The following GZMM variants were observed in gnomAD, a reference collection of about 807,000 sequenced individuals.
The protein encoded by GZMM is granzyme M, also known as HU-Met-1.
GZMM carries 23 observed loss-of-function variants against 19.2 expected under a neutral mutation model. That is an observed-to-expected ratio of 1.20 (90% confidence interval 0.86 to 1.69). The LOEUF (loss-of-function observed/expected upper bound fraction) is 1.69. Among genes scored for constraint, GZMM ranks in the 40% most tolerant of loss-of-function variants. GZMM has a pLI of 0.00. For synonymous variants in GZMM, 178 were observed against 160.2 expected (o/e 1.11, Z -0.84); for missense variants, 373 against 352.2 (o/e 1.06, Z -0.47).
chr19:544,152 G>T, intron 1 of GZMM, 26 bp downstream of exon 1: 1 of 1,541,534 alleles, frequency 6.5e-7, no homozygotes, highest in Non-Finnish European at 8.8e-7. Context: ...GATGCAGGGG[G>T]GACACTGAGG....
intron 1 of GZMM, among the ~76,000 whole-genome samples, chr19:546,051 A>AT (rs1451811726): frequency 1.5e-5 from 2 of 133,846 alleles, no homozygotes; most frequent in Non-Finnish European, 3.2e-5. Flanking sequence ...AAGTGCTGGG[A>AT]TTATAGGCGT....
intron 2 of GZMM, 21 bp from the exon 3 acceptor site, chr19:548,521 C>G: frequency 2.5e-6 from 4 of 1,612,032 alleles, no homozygotes; most frequent in Non-Finnish European, 3.4e-6. Flanking sequence ...GCCGCAGCAC[C>G]CTGATTCCCT....
At chr19:547,896 A>C (rs1016105913) in intron 2 of GZMM, among the ~76,000 whole-genome samples, 1 of 152,148 alleles carries the variant, frequency 6.6e-6, no homozygotes, top group Non-Finnish European at 1.5e-5. Context: ...TAAATGACCC[A>C]TCATGGAGTT....
intron 1 of GZMM, 107 bp downstream of exon 1, chr19:544,233 GA>G: frequency 1.1e-6 from 1 of 912,796 alleles, no homozygotes; most frequent in East Asian, 2.6e-5. Flanking sequence ...TGTAAGAGCG[GA>G]GATTCATCCT....
In GZMM at chr19:549,753, G is replaced by A. The variant is rs760924563; in HGVS notation, c.736G>A (p.Val246Met). ...PPVATAVAPYVSWIRKVTGRS... is the reference protein window; with the variant it reads ...PPVATAVAPYMSWIRKVTGRS... ...CGTGGCCACCGCTGTGGCGCCTTAC[G>A]TGTCCTGGATCAGGAAGGTCACCGG... The change falls in exon 5 of 5, where the codon GTG becomes ATG. Residue 246 changes from valine (V) to methionine (M), a missense_variant. By Grantham distance (21) the Val-to-Met change is conservative. Coordinates refer to ENST00000264553, the MANE Select transcript of GZMM (RefSeq NM_005317.4). 1.2e-5 allele frequency: 20 copies of A among 1,613,512 alleles called. No homozygotes were observed. Among genetic ancestry groups the A allele is most frequent in the South Asian group, 1.2e-4 (11 of 91,090 alleles).
intron 1 of GZMM, among the ~76,000 whole-genome samples, chr19:545,553 G>T (rs1435451821): frequency 6.6e-6 from 1 of 151,900 alleles, no homozygotes; most frequent in Non-Finnish European, 1.5e-5. Context: ...CCCCGTGTTG[G>T]TCAGGCTGGT....
At chr19:544,801 C>CTT (rs1568334345) in intron 1 of GZMM, among the ~76,000 whole-genome samples, 64 of 122,894 alleles carry the variant, frequency 5.2e-4, no homozygotes, top group African/African-American at 1.8e-3. Context: ...CTTCCACCCA[C>CTT]CCATCCATCA....
chr19:548,550 A>G lies in GZMM; in HGVS notation c.221A>G (p.Gln74Arg). The part of the protein sequence containing the change: ...AAHCLAQRMA[Q>R]LRLVLGLHTL... ...ATTCCCTCTGTCCCCAGGATGGCCC[A>G]GCTGAGGCTGGTGCTGGGGCTCCAC... Residue 74 changes from glutamine to arginine, a missense_variant, in exon 3 of 5, where the codon CAG (glutamine) becomes CGG (arginine). Gln to Arg is a conservative substitution (Grantham distance 43). Coordinates refer to ENST00000264553, the MANE Select transcript of GZMM (RefSeq NM_005317.4). The G allele has an allele frequency of 6.2e-7, 1 of 1,613,290 alleles. No homozygotes were observed. Among genetic ancestry groups the G allele is most frequent in the Non-Finnish European group, 8.5e-7 (1 of 1,179,680 alleles).
intron 1 of GZMM, among the ~76,000 whole-genome samples, chr19:544,867 CCCTT>C (rs1249667579): frequency 1.1e-4 from 16 of 147,980 alleles, no homozygotes; most frequent in African/African-American, 4.0e-4. Flanking sequence ...CTTTCGTTCC[CCCTT>C]CCTTCCCTCC....
rs1980328686 is a variant in GZMM, at chr19:547,387, C to A, written c.163C>A (p.Leu55Met). The stretch of plus-strand genomic sequence containing the variant: ...TGGCTCCCACCTGTGCGGGGGTGTC[C>A]TGGTGCACCCAAAGTGGGTGCTGAC... ...RNGSHLCGGV[L>M]VHPKWVLTAA... The change falls in exon 2 of 5, where the codon CTG becomes ATG. Residue 55 changes from leucine to methionine, a missense_variant. By Grantham distance (15) the Leu-to-Met change is conservative. Transcript: ENST00000264553. The A allele has an allele frequency of 6.5e-7, 1 of 1,535,780 alleles. No homozygotes were observed.
rs1277007565 is a variant in GZMM at position 549,794 on chromosome 19, C to T, written c.*3C>T. 5.0e-6 allele frequency: 8 copies of T among 1,610,054 alleles called. No homozygotes were observed. Among genetic ancestry groups the T allele is most frequent in the Non-Finnish European group, 6.8e-6 (8 of 1,179,360 alleles). Reference sequence around the variant, plus strand: ...AGGTCACCGGCCGATCGGCCTGATGCCCTGGGGTGATGGGGACCCCCTCGC... The same window carrying T: ...AGGTCACCGGCCGATCGGCCTGATGTCCTGGGGTGATGGGGACCCCCTCGC... On this transcript the variant is annotated 3_prime_UTR_variant, in exon 5 of 5. Transcript: ENST00000264553.
At chr19:548,889 C>T (rs1362604045) in intron 3 of GZMM, 33 bp from the exon 4 acceptor site, 1 of 1,482,150 alleles carries the variant, frequency 6.7e-7, no homozygotes, top group Non-Finnish European at 9.0e-7. Flanking sequence ...CACCCCCTCC[C>T]CCTGCTCACC....
At chr19:544,198 TG>T in intron 1 of GZMM, 72 bp downstream of exon 1, 1 of 1,281,904 alleles carries the variant, frequency 7.8e-7, no homozygotes, top group Non-Finnish European at 1.1e-6. Flanking sequence ...ATGGGAGGGG[TG>T]GGCGCGGGCG....
At chr19:547,493 A>C (rs1980335357) in intron 2 of GZMM, 57 bp downstream of exon 2, 1 of 1,252,598 alleles carries the variant, frequency 8.0e-7, no homozygotes, top group Non-Finnish European at 1.0e-6. Context: ...GACGGCGCCC[A>C]TTCTCTGCAG....
chr19:546,500 C>A (rs1980286842), intron 1 of GZMM, among the ~76,000 whole-genome samples: 2 of 137,434 alleles, frequency 1.5e-5, no homozygotes, highest in African/African-American at 2.7e-5. Context: ...GAGATCACGG[C>A]ACTGCATTCC....
rs58601458 is a variant in GZMM at position 549,728 on chromosome 19, C to T, written c.711C>T (p.Pro237=). 4.3e-6 allele frequency: 7 copies of T among 1,613,670 alleles called. No homozygotes were observed. The highest frequency in any genetic ancestry group is 3.3e-5 in the Admixed American group (2 of 60,012). ...TCTGCACTGACATCTTCAAGCCTCC[C>T]GTGGCCACCGCTGTGGCGCCTTACG... The part of the protein sequence containing the change: ...SRVCTDIFKP[P]VATAVAPYVS... Residue 237 remains proline (P), a synonymous_variant, in exon 5 of 5, where the codon CCC becomes CCT. Coordinates refer to ENST00000264553, the MANE Select transcript of GZMM (RefSeq NM_005317.4).
Position 544,068 on chromosome 19 carries a change from C to T in GZMM, c.-4C>T, listed in dbSNP as rs148492637. 74 of 1,547,642 alleles carry T rather than the reference C, an allele frequency of 4.8e-5. No homozygotes were observed. Among genetic ancestry groups the T allele is most frequent in the East Asian group, 2.0e-4 (8 of 40,878 alleles). On this transcript the variant is annotated 5_prime_UTR_variant, in exon 1 of 5. Coordinates refer to ENST00000264553, the MANE Select transcript of GZMM (RefSeq NM_005317.4). ...CAGCACCCACACTGGGTCTCCACAG[C>T]GGCATGGAGGCCTGCGTGTCTTCAC...
intron 1 of GZMM, among the ~76,000 whole-genome samples, chr19:545,606 C>G (rs1415567573): frequency 2.0e-5 from 3 of 151,958 alleles, no homozygotes; most frequent in Non-Finnish European, 4.4e-5. Flanking sequence ...CTCGGCCTCC[C>G]AAAGCGCTGG....
At chr19:549,213 GA>G (rs1980419671) in intron 4 of GZMM, 28 bp downstream of exon 4, 3 of 1,546,848 alleles carry the variant, frequency 1.9e-6, no homozygotes, top group Non-Finnish European at 2.6e-6. Flanking sequence ...GGGGCTGGGG[GA>G]ATGAGGCTGG....
Sources: gnomAD v4.1 joint callset for allele counts (sites outside exome capture counted in the v4.1 genomes callset) on GRCh38, gnomAD v4.1.1 for gene constraint, MANE v1.5 for transcripts, NCBI Gene and HGNC (gene_info 2026-07-23, HGNC 2026-07-21) for gene names.